The following RBM25 variants were observed in gnomAD, a reference collection of about 807,000 sequenced individuals.
RBM25 encodes the protein RNA-binding protein 25.
Under a neutral mutation model 120.7 loss-of-function variants are expected in RBM25, and 19 were observed. The observed-to-expected ratio is 0.16, with a 90% CI of 0.11 to 0.23. The LOEUF (loss-of-function observed/expected upper bound fraction) is 0.23. Among genes scored for constraint, RBM25 ranks in the 10% least tolerant of loss-of-function variants. The pLI is 1.00. For synonymous variants in RBM25, 390 were observed against 326.7 expected (o/e 1.19, Z -2.09); for missense variants, 605 against 1,041.5 (o/e 0.58, Z 5.77).
chr14:73,082,907 TAAAAAA>T (rs34875952), intron 4 of RBM25, among the ~76,000 whole-genome samples: 1 of 137,812 alleles, frequency 7.3e-6, no homozygotes, highest in Admixed American at 7.2e-5. Context: ...TAAAAATAAA[TAAAAAA>T]AAAAAAACAA....
intron 1 of RBM25, among the ~76,000 whole-genome samples, chr14:73,066,598 C>G (rs1895140497): frequency 6.8e-6 from 1 of 146,864 alleles, no homozygotes; most frequent in African/African-American, 2.5e-5. Flanking sequence ...TTTCAGTGAG[C>G]TGAGATGGTG....
chr14:73,066,453 A>T (rs527960745), intron 1 of RBM25, among the ~76,000 whole-genome samples: 1 of 152,118 alleles, frequency 6.6e-6, no homozygotes, highest in African/African-American at 2.4e-5. Context: ...CTGGCCATAC[A>T]TGGTGAAACC....
chr14:73,114,983 G>A (rs1447946460), intron 18 of RBM25, among the ~76,000 whole-genome samples: 1 of 152,182 alleles, frequency 6.6e-6, no homozygotes, highest in Non-Finnish European at 1.5e-5. Context: ...CATAAAAGTA[G>A]AACAAATGAC....
At chr14:73,097,163 CTTTGATTA>C in intron 7 of RBM25, 63 bp downstream of exon 7, 2 of 714,208 alleles carry the variant, frequency 2.8e-6, no homozygotes, top group South Asian at 3.3e-5. Flanking sequence ...CACTCTTATA[CTTTGATTA>C]CATGTCAGTT....
At chr14:73,072,376 A>G (rs761051851) in intron 2 of RBM25, among the ~76,000 whole-genome samples, 5 of 152,192 alleles carry the variant, frequency 3.3e-5, no homozygotes, top group African/African-American at 4.8e-5. Flanking sequence ...ATATACTCCC[A>G]TAACTGCTAT....
At position 73,077,221 on chromosome 14, in the gene RBM25, A is replaced by G. The variant is rs1895443222; in HGVS notation, c.157-148A>G. Reference sequence around the variant, plus strand: ...TTTGCATTAATGAAATGTGCTATGCACTTTAGGAGCTTTAGAAGTATACAA... The same window carrying G: ...TTTGCATTAATGAAATGTGCTATGCGCTTTAGGAGCTTTAGAAGTATACAA... On this transcript the variant is annotated intron_variant, in intron 3 of 18. Transcript: ENST00000261973. The G allele has an allele frequency of 1.8e-5, 10 of 554,132 alleles. No homozygotes were observed. The South Asian group carries it at 1.9e-4, about 10-fold the overall frequency. The allele number at this position is 554,132 out of a possible 1,614,324, so 34.3% of individuals were successfully genotyped here.
intron 13 of RBM25, among the ~76,000 whole-genome samples, chr14:73,108,620 A>T (rs1176873042): frequency 6.6e-6 from 1 of 152,150 alleles, no homozygotes; most frequent in Non-Finnish European, 1.5e-5. Flanking sequence ...TTCCCTGGGG[A>T]TGTAGACAGT....
intron 7 of RBM25, among the ~76,000 whole-genome samples, chr14:73,098,660 C>T (rs1012688765): frequency 4.6e-5 from 7 of 152,008 alleles, no homozygotes; most frequent in Non-Finnish European, 2.9e-5. Flanking sequence ...TACCCCCACC[C>T]AAGACGGAGT....
At chr14:73,068,908 ATTTTTAT>A (rs969689641) in intron 1 of RBM25, among the ~76,000 whole-genome samples, 4 of 151,802 alleles carry the variant, frequency 2.6e-5, no homozygotes, top group South Asian at 2.1e-4. Context: ...ATAAGACTTT[ATTTTTAT>A]TTTTTATTTT....
chr14:73,063,756 C>T (rs1895062068), intron 1 of RBM25, among the ~76,000 whole-genome samples: 1 of 151,286 alleles, frequency 6.6e-6, no homozygotes, highest in African/African-American at 2.4e-5. Context: ...TGTTCCCTTC[C>T]AGGCTTAACA....
At chr14:73,069,268 A>T (rs778630491) in intron 1 of RBM25, among the ~76,000 whole-genome samples, 1 of 152,244 alleles carries the variant, frequency 6.6e-6, no homozygotes, top group Admixed American at 6.5e-5. Flanking sequence ...AATTCACATG[A>T]TGTGATTGGT....
At chr14:73,106,840 CTTTT>C (rs34359815) in intron 12 of RBM25, among the ~76,000 whole-genome samples, 1 of 143,000 alleles carries the variant, frequency 7.0e-6, no homozygotes, top group Non-Finnish European at 1.5e-5. Flanking sequence ...TATGTATATA[CTTTT>C]TTTTTTTTTT....
chr14:73,059,840 G>C (rs1894957778), intron 1 of RBM25, among the ~76,000 whole-genome samples: 1 of 151,790 alleles, frequency 6.6e-6, no homozygotes, highest in South Asian at 2.1e-4. Flanking sequence ...TTTGGTTTTT[G>C]TTCCTCTGTA....
chr14:73,105,449 TA>T (rs1287654625), intron 10 of RBM25, among the ~76,000 whole-genome samples: 1 of 152,230 alleles, frequency 6.6e-6, no homozygotes. Flanking sequence ...TGATCTCTAG[TA>T]AGCTAAACTA....
chr14:73,112,009 A>G lies in RBM25; in HGVS notation c.2293-143A>G, dbSNP rs1022771769. 12 of 1,014,390 alleles carry G rather than the reference A, an allele frequency of 1.2e-5. No individual in the cohort carries two copies. The Admixed American group carries it at 3.4e-4, about 28-fold the overall frequency. 62.8% of individuals were successfully genotyped at this position (1,014,390 alleles called of 1,614,324 possible). ...CTACTTGAAGACTTACTAAAAGCAG[A>G]TGATTGTATCTTGATACATATCTGT... On this transcript the variant is annotated intron_variant, in intron 16 of 18. Coordinates refer to ENST00000261973, the MANE Select transcript of RBM25 (RefSeq NM_021239.3).
At chr14:73,095,875 A>G (rs1895931097) in intron 6 of RBM25, among the ~76,000 whole-genome samples, 1 of 152,200 alleles carries the variant, frequency 6.6e-6, no homozygotes, top group Admixed American at 6.5e-5. Flanking sequence ...GTAAGTCGTT[A>G]AAAACTTTGG....
At position 73,104,422 on chromosome 14, in the gene RBM25, G is replaced by T. The variant is rs191435339; in HGVS notation, c.1154+944G>T. On this transcript the variant is annotated intron_variant, in intron 10 of 18. Transcript: ENST00000261973. ...TTTGCTCTGTTGCCCAAGTTGGAGT[G>T]CAGTGGTACAGTGTTGGCTCATTGC... is the stretch of plus-strand genomic sequence containing the variant. 3.0e-4 allele frequency among the ~76,000 whole-genome samples: 45 copies of T among 151,006 alleles called. No individual in the cohort carries two copies. In the East Asian group the frequency reaches 8.6e-3, roughly 29 times the overall value.
intron 6 of RBM25, among the ~76,000 whole-genome samples, chr14:73,096,010 C>T (rs909679032): frequency 1.3e-5 from 2 of 152,106 alleles, no homozygotes; most frequent in Admixed American, 1.3e-4. Flanking sequence ...TGGAGTTTCG[C>T]TCTTTTGCCC....
At chr14:73,061,121 G>A (rs887678728) in intron 1 of RBM25, among the ~76,000 whole-genome samples, 5 of 149,712 alleles carry the variant, frequency 3.3e-5, no homozygotes, top group South Asian at 2.1e-4. Context: ...GTAGTGGCGC[G>A]ATCTCACCTC....
Sources: gnomAD v4.1 joint callset for allele counts (sites outside exome capture counted in the v4.1 genomes callset) on GRCh38, gnomAD v4.1.1 for gene constraint, MANE v1.5 for transcripts, NCBI Gene and HGNC (gene_info 2026-07-23, HGNC 2026-07-21) for gene names.